The following ERC2 variants were observed in gnomAD, a reference collection of about 807,000 sequenced individuals.
ERC2 encodes ELKS/RAB6-interacting/CAST family member 2.
In ERC2, 42 loss-of-function variants were observed where a neutral mutation model predicts 114.8. The ratio of observed to expected loss-of-function variants is 0.37; its 90% confidence interval spans 0.29 to 0.47. ERC2 has a LOEUF of 0.47. Among genes scored for constraint, ERC2 ranks in the 20% least tolerant of loss-of-function variants. The pLI is 0.99. For synonymous variants in ERC2, 454 were observed against 425.5 expected (o/e 1.07, Z -0.82); for missense variants, 939 against 1,150.7 (o/e 0.82, Z 2.66).
At chr3:55,770,413 CT>C (rs1221291153) in intron 14 of ERC2, among the ~76,000 whole-genome samples, 1 of 152,264 alleles carries the variant, frequency 6.6e-6, no homozygotes, top group East Asian at 1.9e-4. Context: ...CAGTTTGAGG[CT>C]TTCTCTAACA....
chr3:56,243,464 A>G (rs1344453442), intron 3 of ERC2, among the ~76,000 whole-genome samples: 1 of 152,222 alleles, frequency 6.6e-6, no homozygotes, highest in Admixed American at 6.5e-5. Context: ...CTGGGGCAAT[A>G]GAAGGATGTA....
intron 2 of ERC2, among the ~76,000 whole-genome samples, chr3:56,356,356 T>G (rs1285324199): frequency 1.3e-5 from 2 of 152,226 alleles, no homozygotes; most frequent in African/African-American, 4.8e-5. Context: ...TGGGGTAAAG[T>G]GGCCTGGGCT....
At chr3:56,295,614 T>C (rs1269484564) in intron 3 of ERC2, among the ~76,000 whole-genome samples, 1 of 152,240 alleles carries the variant, frequency 6.6e-6, no homozygotes, top group Non-Finnish European at 1.5e-5. Context: ...CCCAATTCAG[T>C]AATAAAAATA....
intron 2 of ERC2, among the ~76,000 whole-genome samples, chr3:56,351,023 C>T (rs2058532194): frequency 1.3e-5 from 2 of 152,094 alleles, no homozygotes; most frequent in African/African-American, 4.8e-5. Context: ...AACTTCAGGT[C>T]CGCCTAGTTC....
chr3:55,873,245 C>T lies in ERC2; in HGVS notation c.2564+15144G>A, dbSNP rs532898937. 3.9e-4 allele frequency among the ~76,000 whole-genome samples: 59 copies of T among 152,276 alleles called. 1 individual carries two copies. The highest frequency in any genetic ancestry group is 7.8e-4 in the Admixed American group (12 of 15,298). On this transcript the variant is annotated intron_variant, in intron 14 of 17. Transcript: ENST00000288221. Reference sequence around the variant, plus strand: ...GAGGGTCATGCTTCTAGTGTGCCCACATCCAAATGTATTCTCCTCACAAAA... The same window carrying T: ...GAGGGTCATGCTTCTAGTGTGCCCATATCCAAATGTATTCTCCTCACAAAA...
intron 6 of ERC2, among the ~76,000 whole-genome samples, chr3:56,134,796 C>T (rs2080398786): frequency 6.6e-6 from 1 of 152,042 alleles, no homozygotes; most frequent in African/African-American, 2.4e-5. Context: ...CATTATGTAC[C>T]ACTGTCATAT....
At chr3:56,002,155 T>A (rs2072124440) in intron 10 of ERC2, among the ~76,000 whole-genome samples, 1 of 152,166 alleles carries the variant, frequency 6.6e-6, no homozygotes, top group Non-Finnish European at 1.5e-5. Context: ...TGAATCTAAC[T>A]AAGTACACCT....
At chr3:55,652,160 A>C (rs2060652355) in intron 17 of ERC2, among the ~76,000 whole-genome samples, 1 of 152,146 alleles carries the variant, frequency 6.6e-6, no homozygotes, top group African/African-American at 2.4e-5. Flanking sequence ...TAAATAGGAC[A>C]CATCTGCATG....
At chr3:55,934,679 GA>G (rs1447348834) in intron 13 of ERC2, among the ~76,000 whole-genome samples, 3 of 151,872 alleles carry the variant, frequency 2.0e-5, no homozygotes, top group African/African-American at 2.4e-5. Flanking sequence ...TCTAGACAAA[GA>G]AAAAAAATTG....
chr3:55,754,841 T>C (rs928285655), intron 14 of ERC2, among the ~76,000 whole-genome samples: 1 of 152,118 alleles, frequency 6.6e-6, no homozygotes, highest in African/African-American at 2.4e-5. Context: ...ATTTAGCTTT[T>C]AGCTTAAAAA....
chr3:55,757,565 CTT>C (rs2067140425), intron 14 of ERC2, among the ~76,000 whole-genome samples: 1 of 152,086 alleles, frequency 6.6e-6, no homozygotes, highest in African/African-American at 2.4e-5. Context: ...GCCTTACTTT[CTT>C]AATCTACTAA....
chr3:56,401,072 G>A, intron 2 of ERC2, among the ~76,000 whole-genome samples: 1 of 152,166 alleles, frequency 6.6e-6, no homozygotes, highest in East Asian at 1.9e-4. Context: ...ACAATGCCTA[G>A]GGAAACAGTC....
At chr3:55,635,544 C>T (rs1240900415) in intron 17 of ERC2, among the ~76,000 whole-genome samples, 6 of 152,152 alleles carry the variant, frequency 3.9e-5, no homozygotes, top group African/African-American at 1.4e-4. Flanking sequence ...ACGTCCGCCA[C>T]CACTCCTGGC....
chr3:55,528,703 C>T (rs1275849500), intron 17 of ERC2, among the ~76,000 whole-genome samples: 1 of 152,184 alleles, frequency 6.6e-6, no homozygotes, highest in East Asian at 1.9e-4. Flanking sequence ...TAGTCCTTTT[C>T]TGTAAGACAA....
intron 14 of ERC2, among the ~76,000 whole-genome samples, chr3:55,813,442 C>T (rs2059797464): frequency 6.6e-6 from 1 of 152,188 alleles, no homozygotes; most frequent in Admixed American, 6.5e-5. Flanking sequence ...TACATGATTG[C>T]AGAATCAAGA....
chr3:56,397,127 G>C (rs1445550365), intron 2 of ERC2, among the ~76,000 whole-genome samples: 1 of 152,150 alleles, frequency 6.6e-6, no homozygotes. Context: ...TTAAGAAACA[G>C]TTTTTGTTTT....
intron 2 of ERC2, among the ~76,000 whole-genome samples, chr3:56,362,618 T>A (rs1429617935): frequency 6.6e-6 from 1 of 152,256 alleles, no homozygotes; most frequent in Non-Finnish European, 1.5e-5. Flanking sequence ...TCTCAGCGCC[T>A]GCTCCTGTTT....
intron 2 of ERC2, among the ~76,000 whole-genome samples, chr3:56,299,695 G>T (rs1469171373): frequency 6.6e-6 from 1 of 152,182 alleles, no homozygotes; most frequent in South Asian, 2.1e-4. Context: ...CTCCCAAAGG[G>T]CTGGGACTAC....
intron 17 of ERC2, among the ~76,000 whole-genome samples, chr3:55,545,903 T>C (rs1193958329): frequency 6.6e-6 from 1 of 152,120 alleles, no homozygotes; most frequent in Non-Finnish European, 1.5e-5. Flanking sequence ...AGAATCCCAT[T>C]TGGAGGTCTT....
Sources: gnomAD v4.1 joint callset for allele counts (sites outside exome capture counted in the v4.1 genomes callset) on GRCh38, gnomAD v4.1.1 for gene constraint, MANE v1.5 for transcripts, NCBI Gene and HGNC (gene_info 2026-07-23, HGNC 2026-07-21) for gene names.